Variants in TAOK3 observed in about 807,000 individuals in gnomAD.
TAOK3 encodes the protein TAO kinase 3, also known as serine/threonine-protein kinase TAO3.
In TAOK3, 40 loss-of-function variants were observed where a neutral mutation model predicts 120.4. The ratio of observed to expected loss-of-function variants is 0.33; its 90% CI spans 0.26 to 0.43. TAOK3 has a LOEUF of 0.43. TAOK3 is among the 20% of genes least tolerant of loss of function. The probability of loss-of-function intolerance (pLI) is 1.00; values close to 1 mark genes in which losing one functional copy is unlikely to be tolerated. For synonymous variants in TAOK3, 355 were observed against 387.5 expected (o/e 0.92, Z 0.99); for missense variants, 821 against 1,112.1 (o/e 0.74, Z 3.72).
chr12:118,217,929 A>T (rs1270828046), intron 9 of TAOK3, among the ~76,000 whole-genome samples: 1 of 134,968 alleles, frequency 7.4e-6, no homozygotes, highest in Admixed American at 8.2e-5. Flanking sequence ...GGCGTGATCT[A>T]GGCTCACTGC....
intron 8 of TAOK3, among the ~76,000 whole-genome samples, chr12:118,234,353 C>T (rs1171755681): frequency 2.0e-5 from 3 of 151,046 alleles, no homozygotes; most frequent in African/African-American, 4.9e-5. Context: ...CTCAGACTCC[C>T]GAGTAGCTGG....
At chr12:118,331,562 T>C (rs1248984261) in intron 1 of TAOK3, among the ~76,000 whole-genome samples, 2 of 150,448 alleles carry the variant, frequency 1.3e-5, no homozygotes, top group Non-Finnish European at 2.9e-5. Context: ...GAAGAATCAT[T>C]TGAACTGGGG....
intron 9 of TAOK3, among the ~76,000 whole-genome samples, chr12:118,218,535 G>A (rs929345925): frequency 2.0e-5 from 3 of 152,028 alleles, no homozygotes; most frequent in Non-Finnish European, 4.4e-5. Flanking sequence ...TAAATGTTAT[G>A]TAAATAGTTA....
chr12:118,240,987 CAATA>C (rs2040226902), intron 5 of TAOK3, among the ~76,000 whole-genome samples: 1 of 148,732 alleles, frequency 6.7e-6, no homozygotes. Context: ...TTATAAATAT[CAATA>C]TATATGAACA....
In TAOK3 at chr12:118,150,833, A is replaced by G. The variant is rs1177380022; in HGVS notation, c.*164T>C. On this transcript the variant is annotated 3_prime_UTR_variant, in exon 21 of 21. Transcript: ENST00000392533. ...GGGGGAGGAAGGGGGCCCCTGATGGAGTAAGAATAAACAGGCACTAGTCCG... is the reference window on the plus strand; with the variant it reads ...GGGGGAGGAAGGGGGCCCCTGATGGGGTAAGAATAAACAGGCACTAGTCCG... The G allele has an allele frequency of 2.5e-6, 2 of 789,524 alleles. No individual in the cohort carries two copies. The highest frequency in any genetic ancestry group is 3.9e-6 in the Non-Finnish European group (2 of 519,112). The allele number at this position is 789,524 out of a possible 1,614,324, so 48.9% of individuals were successfully genotyped here.
chr12:118,203,034 C>A (rs1369659103), intron 11 of TAOK3, among the ~76,000 whole-genome samples: 1 of 152,050 alleles, frequency 6.6e-6, no homozygotes, highest in Non-Finnish European at 1.5e-5. Context: ...CCCGCCTCAG[C>A]CTCCCAAAGT....
chr12:118,298,466 A>G (rs2042760651), intron 1 of TAOK3, among the ~76,000 whole-genome samples: 1 of 152,236 alleles, frequency 6.6e-6, no homozygotes, highest in African/African-American at 2.4e-5. Flanking sequence ...TATATTGTCA[A>G]GATCACAAAT....
chr12:118,187,287 G>T (rs1237303256), intron 14 of TAOK3, among the ~76,000 whole-genome samples: 1 of 152,050 alleles, frequency 6.6e-6, no homozygotes, highest in South Asian at 2.1e-4. Context: ...TTTCAACAAT[G>T]ACTTGATTTT....
intron 1 of TAOK3, among the ~76,000 whole-genome samples, chr12:118,288,769 A>T (rs2042355406): frequency 6.6e-6 from 1 of 151,928 alleles, no homozygotes; most frequent in Non-Finnish European, 1.5e-5. Flanking sequence ...ACAAAAAATT[A>T]TCTGGGTGTG....
chr12:118,209,614 G>A (rs1281571817), intron 11 of TAOK3, among the ~76,000 whole-genome samples: 2 of 152,146 alleles, frequency 1.3e-5, no homozygotes, highest in Non-Finnish European at 2.9e-5. Context: ...GGCCAGGCTG[G>A]TCTTGAACTT....
Position 118,238,131 on chromosome 12 carries a change from T to C in TAOK3, c.379A>G (p.Ile127Val), listed in dbSNP as rs756914738. The change falls in exon 7 of 21, where the codon ATT (isoleucine) becomes GTT (valine). Residue 127 changes from isoleucine to valine, a missense_variant. Ile to Val is a conservative substitution (Grantham distance 29). This residue lies in a region of TAOK3 where 467 missense variants were observed against 540.0 expected (regional missense o/e 0.86). Coordinates refer to ENST00000392533, the MANE Select transcript of TAOK3 (RefSeq NM_016281.4). ...KPLQEVEIAA[I>V]THGALHGLAY... ...AGTCCATGCAAGGCTCCATGAGTAA[T>C]GGCAGCGATCTCCACTTCCTGAAGT... 7.4e-6 allele frequency: 12 copies of C among 1,612,232 alleles called. No individual in the cohort carries two copies. The highest frequency in any genetic ancestry group is 2.2e-5 in the South Asian group (2 of 90,956).
At chr12:118,272,744 G>A (rs1402397828) in intron 1 of TAOK3, among the ~76,000 whole-genome samples, 1 of 152,112 alleles carries the variant, frequency 6.6e-6, no homozygotes, top group African/African-American at 2.4e-5. Context: ...ACCGAGGTGG[G>A]AGGGTTGCTT....
chr12:118,339,073 G>C (rs1375357266), intron 1 of TAOK3, among the ~76,000 whole-genome samples: 1 of 152,046 alleles, frequency 6.6e-6, no homozygotes, highest in Non-Finnish European at 1.5e-5. Context: ...TAGAACTGTG[G>C]ATGCTACAGG....
intron 1 of TAOK3, among the ~76,000 whole-genome samples, chr12:118,272,526 A>G (rs2041750446): frequency 6.6e-6 from 1 of 151,986 alleles, no homozygotes; most frequent in African/African-American, 2.4e-5. Flanking sequence ...ATATTTCAGT[A>G]TTAATAAAGT....
At chr12:118,172,798 C>G in intron 16 of TAOK3, 138 bp from the exon 17 acceptor site, 1 of 741,362 alleles carries the variant, frequency 1.3e-6, no homozygotes, top group Non-Finnish European at 2.2e-6. Flanking sequence ...CACATCCTTC[C>G]CCCAATTTTT....
intron 20 of TAOK3, among the ~76,000 whole-genome samples, chr12:118,151,377 C>A (rs1417096395): frequency 6.6e-6 from 1 of 152,004 alleles, no homozygotes; most frequent in Non-Finnish European, 1.5e-5. Flanking sequence ...GCATCTAAAT[C>A]ATTATATTTA....
intron 1 of TAOK3, chr12:118,297,278 T>C (rs894031249): frequency 2.0e-5 from 3 of 152,206 alleles, no homozygotes; most frequent in Non-Finnish European, 4.4e-5. Context: ...AATAGCCAAA[T>C]ACAGAGATAT....
chr12:118,205,882 A>T (rs2038277915), intron 11 of TAOK3, among the ~76,000 whole-genome samples: 1 of 150,912 alleles, frequency 6.6e-6, no homozygotes, highest in Non-Finnish European at 1.5e-5. Context: ...AAGTGCTGGG[A>T]TTACAGGCAT....
At chr12:118,179,845 C>T (rs2036588410) in intron 15 of TAOK3, among the ~76,000 whole-genome samples, 1 of 150,864 alleles carries the variant, frequency 6.6e-6, no homozygotes, top group Non-Finnish European at 1.5e-5. Flanking sequence ...ACGGTTTCAC[C>T]ATGTTGGCCA....
Sources: allele counts gnomAD v4.1 joint callset (sites outside exome capture counted in the v4.1 genomes callset), GRCh38; gene constraint gnomAD v4.1.1; regional missense constraint gnomAD v4.1.1; transcripts MANE v1.5; gene names NCBI Gene and HGNC (gene_info 2026-07-23, HGNC 2026-07-21).